Variants in SLIT3 observed in about 807,000 individuals in gnomAD.
The protein encoded by SLIT3 is slit homolog 3 protein.
Under a neutral mutation model 184.0 loss-of-function variants are expected in SLIT3, and 68 were observed. That is an observed-to-expected ratio of 0.37 (90% confidence interval 0.30 to 0.45). The LOEUF (loss-of-function observed/expected upper bound fraction) is 0.45. Among genes scored for constraint, SLIT3 ranks in the 20% least tolerant of loss-of-function variants. The pLI, the probability that SLIT3 is intolerant of heterozygous loss-of-function variation, is 1.00. For synonymous variants in SLIT3, 831 were observed against 828.6 expected (o/e 1.00, Z -0.05); for missense variants, 1,707 against 2,026.0 (o/e 0.84, Z 3.02).
intron 4 of SLIT3, among the ~76,000 whole-genome samples, chr5:168,979,316 C>G (rs969323950): frequency 6.6e-6 from 1 of 152,136 alleles, no homozygotes; most frequent in Non-Finnish European, 1.5e-5. Context: ...GGAGGCCAGA[C>G]AGGCTTGCAA....
At chr5:168,849,568 T>C (rs1020417060) in intron 5 of SLIT3, among the ~76,000 whole-genome samples, 3 of 151,964 alleles carry the variant, frequency 2.0e-5, no homozygotes, top group African/African-American at 7.3e-5. Flanking sequence ...CCCATAAGAG[T>C]AACATAGTAC....
At chr5:169,049,797 G>A (rs904072231) in intron 4 of SLIT3, among the ~76,000 whole-genome samples, 2 of 152,178 alleles carry the variant, frequency 1.3e-5, no homozygotes, top group Admixed American at 6.5e-5. Flanking sequence ...ACTCTAAAGT[G>A]GGCAGAAGAG....
At chr5:168,974,480 G>T (rs905468001) in intron 4 of SLIT3, among the ~76,000 whole-genome samples, 12 of 152,222 alleles carry the variant, frequency 7.9e-5, no homozygotes, top group Admixed American at 3.9e-4. Flanking sequence ...AGATTTAAGG[G>T]TGACTGAAGG....
intron 14 of SLIT3, among the ~76,000 whole-genome samples, chr5:168,765,472 T>C (rs1376776119): frequency 6.6e-6 from 1 of 152,158 alleles, no homozygotes; most frequent in South Asian, 2.1e-4. Context: ...TAACGGCGTA[T>C]GTACATAACC....
chr5:169,075,340 A>G (rs1396643984), intron 4 of SLIT3, among the ~76,000 whole-genome samples: 1 of 152,202 alleles, frequency 6.6e-6, no homozygotes, highest in East Asian at 1.9e-4. Flanking sequence ...CAACAACAAT[A>G]AAGTACATAC....
At chr5:168,712,461 G>T in intron 23 of SLIT3, 107 bp from the exon 24 acceptor site, 1 of 918,032 alleles carries the variant, frequency 1.1e-6, no homozygotes, top group Non-Finnish European at 1.8e-6. Context: ...TTTGCTCAGA[G>T]CCCCACTGCT....
chr5:169,231,110 T>C (rs1226338918), intron 3 of SLIT3, among the ~76,000 whole-genome samples: 1 of 152,220 alleles, frequency 6.6e-6, no homozygotes, highest in Non-Finnish European at 1.5e-5. Context: ...TCTGTGGAGT[T>C]TGCAATGTCC....
At chr5:168,909,018 C>T (rs1439045913) in intron 4 of SLIT3, among the ~76,000 whole-genome samples, 1 of 152,190 alleles carries the variant, frequency 6.6e-6, no homozygotes, top group Non-Finnish European at 1.5e-5. Context: ...CCACCAGGTA[C>T]CCGCCAGGCT....
In SLIT3 at chr5:168,902,776, A is replaced by G. The variant is rs867138283; in HGVS notation, c.414-19440T>C. Reference sequence around the variant, plus strand: ...GTAAAGCTTGCTGGGCAGAGGGGACACTGCACGAGGATTCTGAGGTGGCTG... The same window carrying G: ...GTAAAGCTTGCTGGGCAGAGGGGACGCTGCACGAGGATTCTGAGGTGGCTG... On this transcript the variant is annotated intron_variant, in intron 4 of 35. Coordinates refer to ENST00000519560, the MANE Select transcript of SLIT3 (RefSeq NM_003062.4). Among the ~76,000 whole-genome samples the G allele has an allele frequency of 2.6e-5, 4 of 152,346 alleles. No homozygotes were observed. In the South Asian group the frequency reaches 8.3e-4, roughly 32 times the overall value.
chr5:169,051,054 G>A (rs1364062462), intron 4 of SLIT3, among the ~76,000 whole-genome samples: 3 of 152,176 alleles, frequency 2.0e-5, no homozygotes, highest in Non-Finnish European at 4.4e-5. Flanking sequence ...CTGCAAAACG[G>A]AGATGAAAAA....
chr5:168,725,383 G>C (rs776848490), intron 20 of SLIT3, among the ~76,000 whole-genome samples: 3 of 152,148 alleles, frequency 2.0e-5, no homozygotes, highest in Non-Finnish European at 4.4e-5. Context: ...CCTCAAGTGG[G>C]GACATGCCAC....
At position 168,883,147 on chromosome 5, in the gene SLIT3, C is replaced by T. The variant is rs992897916; in HGVS notation, c.485+118G>A. 1.9e-4 allele frequency: 139 copies of T among 724,900 alleles called. 6 individuals are homozygous for T. The Middle Eastern group carries it at 1.9e-3, about 10-fold the overall frequency. 44.9% of individuals were successfully genotyped at this position (724,900 alleles called of 1,614,324 possible). A position where few individuals can be genotyped will look rare whatever the true frequency, so the allele number is the denominator to read the frequency against. On this transcript the variant is annotated intron_variant, in intron 5 of 35. Transcript: ENST00000519560. ...TCCCTAGAAATCACTCAAGCACAGC[C>T]CTCAATTTCATCTCTGAAGGCACCT...
At chr5:168,819,063 C>T (rs1487357948) in intron 7 of SLIT3, among the ~76,000 whole-genome samples, 1 of 152,218 alleles carries the variant, frequency 6.6e-6, no homozygotes, top group Non-Finnish European at 1.5e-5. Context: ...GGCTCCTGGG[C>T]CCAAGATACA....
At chr5:169,259,775 G>A (rs1766102526) in intron 1 of SLIT3, among the ~76,000 whole-genome samples, 1 of 152,206 alleles carries the variant, frequency 6.6e-6, no homozygotes, top group Non-Finnish European at 1.5e-5. Context: ...CTCTGTAATT[G>A]TCATCTTTTG....
At chr5:168,793,447 T>C (rs1054363437) in intron 10 of SLIT3, among the ~76,000 whole-genome samples, 15 of 152,280 alleles carry the variant, frequency 9.9e-5, no homozygotes, top group African/African-American at 3.4e-4. Flanking sequence ...TGAAGTTCCA[T>C]TAGTCGAACA....
chr5:168,704,813 C>A (rs1031771234), intron 26 of SLIT3, among the ~76,000 whole-genome samples: 11 of 152,098 alleles, frequency 7.2e-5, no homozygotes, highest in African/African-American at 2.7e-4. Context: ...AATGCCTGAA[C>A]TTTGAGCTTG....
intron 18 of SLIT3, 68 bp from the exon 19 acceptor site, chr5:168,749,703 C>T (rs1754632754): frequency 7.1e-6 from 11 of 1,540,626 alleles, no homozygotes; most frequent in Non-Finnish European, 8.0e-6. Context: ...ATCTGCTGCC[C>T]AGAGCCCAGC....
At position 168,932,347 on chromosome 5, in the gene SLIT3, G is replaced by GACACACACAC. The variant is rs375350401; in HGVS notation, c.414-49021_414-49012dup. On this transcript the variant is annotated intron_variant, in intron 4 of 35. Transcript: ENST00000519560. ...AAGAGGAAAGGGAAGAGGGGAAAAA[G>GACACACACAC]ACACACACACACACACACACACACA... Among the ~76,000 whole-genome samples, 422 of 131,140 alleles carry GACACACACAC rather than the reference G, an allele frequency of 3.2e-3. 3 individuals carry two copies. Among genetic ancestry groups the GACACACACAC allele is most frequent in the Admixed American group, 0.016 (210 of 12,846 alleles). 86.0% of individuals were successfully genotyped at this position (131,140 alleles called of 152,430 possible).
chr5:169,190,555 T>G (rs1490839440), intron 4 of SLIT3, among the ~76,000 whole-genome samples: 1 of 152,216 alleles, frequency 6.6e-6, no homozygotes, highest in Non-Finnish European at 1.5e-5. Context: ...CCCTTTTCAT[T>G]ACTATTCAAA....
Sources: gnomAD v4.1 joint callset for allele counts (sites outside exome capture counted in the v4.1 genomes callset) on GRCh38, gnomAD v4.1.1 for gene constraint, MANE v1.5 for transcripts, NCBI Gene and HGNC (gene_info 2026-07-23, HGNC 2026-07-21) for gene names.